TMEM40: variants seen among roughly 807,000 people sequenced by gnomAD.
TMEM40 encodes the protein transmembrane protein 40.
A neutral mutation model predicts 40.8 loss-of-function variants in TMEM40; 34 were observed. The observed-to-expected ratio is 0.83, with a 90% CI of 0.63 to 1.11. The LOEUF is 1.11. Ranked by LOEUF, TMEM40 falls within the 50% of genes least tolerant of loss-of-function variation. The pLI, the probability that TMEM40 is intolerant of heterozygous loss-of-function variation, is 0.00. For missense variants in TMEM40, 296 were observed against 280.2 expected, an observed-to-expected ratio of 1.06 and a Z score of -0.40; for synonymous variants, 106 against 107.0, an observed-to-expected ratio of 0.99 and a Z score of 0.06.
At chr3:12,757,188 C>T (rs1450308671) in intron 1 of TMEM40, among the ~76,000 whole-genome samples, 2 of 152,130 alleles carry the variant, frequency 1.3e-5, no homozygotes, top group Non-Finnish European at 2.9e-5. Context: ...TGCTTCACAT[C>T]ACTGGGTGCG....
chr3:12,769,217 GCCCCGGTTCCCGCCC>G, intron 1 of TMEM40: 1 of 387,488 alleles, frequency 2.6e-6, no homozygotes, highest in Non-Finnish European at 5.4e-6. Flanking sequence ...GCTGCGTGCA[GCCCCGGTTCCCGCCC>G]GTGCCTTTCT....
chr3:12,751,378 T>A (rs377324804), intron 1 of TMEM40, among the ~76,000 whole-genome samples: 5 of 151,312 alleles, frequency 3.3e-5, no homozygotes, highest in African/African-American at 1.2e-4. Context: ...GCCTCCCGGA[T>A]TCAAGTGATT....
At chr3:12,738,730 G>T in intron 5 of TMEM40, 142 bp from the exon 6 acceptor site, 1 of 809,654 alleles carries the variant, frequency 1.2e-6, no homozygotes, top group Non-Finnish European at 2.0e-6. Context: ...CGGCTGGAGG[G>T]TTCCTGTTCC....
At chr3:12,735,710 A>G (rs2061332477) in intron 10 of TMEM40, 93 bp from the exon 11 acceptor site, 11 of 1,045,134 alleles carry the variant, frequency 1.1e-5, no homozygotes, top group Non-Finnish European at 1.4e-5. Flanking sequence ...CATGCAAACA[A>G]AGCTCTGATG....
intron 3 of TMEM40, among the ~76,000 whole-genome samples, chr3:12,746,436 A>G (rs895436194): frequency 1.3e-5 from 2 of 152,274 alleles, no homozygotes; most frequent in South Asian, 4.2e-4. Flanking sequence ...TATTTTCTAC[A>G]GTGTACCTGT....
upstream of TMEM40, among the ~76,000 whole-genome samples, chr3:12,759,785 C>A (rs1304033777): frequency 4.6e-5 from 7 of 152,102 alleles, no homozygotes; most frequent in Non-Finnish European, 8.8e-5. Flanking sequence ...TGGAGAGCAC[C>A]CACTCGCCTT....
intron 1 of TMEM40, among the ~76,000 whole-genome samples, chr3:12,768,424 G>T (rs954462294): frequency 6.6e-6 from 1 of 152,152 alleles, no homozygotes; most frequent in African/African-American, 2.4e-5. Context: ...ACAGAGAGCC[G>T]ATTGGTCCGT....
upstream of TMEM40, among the ~76,000 whole-genome samples, chr3:12,763,421 C>T (rs1378829239): frequency 1.3e-5 from 2 of 152,162 alleles, no homozygotes; most frequent in Non-Finnish European, 2.9e-5. Context: ...AAGTGTAAGG[C>T]AGGCCCCAGC....
intron 3 of TMEM40, 30 bp downstream of exon 3, chr3:12,748,624 TA>T: frequency 6.3e-7 from 1 of 1,591,042 alleles, no homozygotes; most frequent in Non-Finnish European, 8.5e-7. Flanking sequence ...TTTTCTTGAA[TA>T]ATATACATAT....
chr3:12,762,955 G>C (rs915083073), upstream of TMEM40, among the ~76,000 whole-genome samples: 3 of 152,094 alleles, frequency 2.0e-5, no homozygotes, highest in East Asian at 3.9e-4. Context: ...GTCAGGAGAT[G>C]GAGACCATCC....
upstream of TMEM40, among the ~76,000 whole-genome samples, chr3:12,763,021 G>A (rs1464569695): frequency 1.3e-5 from 2 of 151,752 alleles, no homozygotes; most frequent in Non-Finnish European, 2.9e-5. Context: ...TTAGCCGGGC[G>A]TGGTGGCGGG....
At chr3:12,757,087 T>C (rs2061534915) in intron 1 of TMEM40, among the ~76,000 whole-genome samples, 1 of 152,056 alleles carries the variant, frequency 6.6e-6, no homozygotes, top group African/African-American at 2.4e-5. Context: ...CAACATACAG[T>C]GACAAATAAT....
chr3:12,739,068 G>C (rs1039576031), intron 5 of TMEM40: 3 of 160,048 alleles, frequency 1.9e-5, no homozygotes, highest in Non-Finnish European at 2.8e-5. Context: ...CAGGATAATC[G>C]CTCAAACCCA....
chr3:12,764,497 G>A (rs935597432), intron 1 of TMEM40, among the ~76,000 whole-genome samples: 3 of 152,326 alleles, frequency 2.0e-5, no homozygotes, highest in East Asian at 3.9e-4. Context: ...GCTCCTGCAC[G>A]TGCCACTTAA....
Position 12,736,569 on chromosome 3 carries a change from G to A in TMEM40, c.619+9C>T, listed in dbSNP as rs377568647. ...CTGTGTGTGTGTCCATGCTGGGGGA[G>A]GGGCTTACCTAGTCCGAAGTAGATG... is the stretch of plus-strand genomic sequence containing the variant. On this transcript the variant is annotated intron_variant, in intron 10 of 11. Transcript: ENST00000314124. 1.9e-5 allele frequency: 30 copies of A among 1,552,776 alleles called. No homozygotes were observed. In the African/African-American group the frequency reaches 3.6e-4, roughly 18 times the overall value.
chr3:12,759,521 C>G (rs886783059), upstream of TMEM40: 6 of 152,502 alleles, frequency 3.9e-5, no homozygotes, highest in East Asian at 9.6e-4. Flanking sequence ...CTGTGCCACC[C>G]TTGGCTGTAC....
chr3:12,751,279 G>GTT (rs35303171), intron 1 of TMEM40, among the ~76,000 whole-genome samples: 2 of 134,254 alleles, frequency 1.5e-5, no homozygotes, highest in Admixed American at 1.5e-4. Flanking sequence ...TCCATTACCC[G>GTT]TTTTTTTTTT....
intron 1 of TMEM40, among the ~76,000 whole-genome samples, chr3:12,766,487 C>CG (rs1231584519): frequency 2.0e-5 from 3 of 150,546 alleles, no homozygotes; most frequent in Non-Finnish European, 4.4e-5. Flanking sequence ...CCCAGCTACT[C>CG]GGGGGGCTGA....
chr3:12,765,860 G>C (rs757124087), intron 1 of TMEM40, among the ~76,000 whole-genome samples: 5 of 151,240 alleles, frequency 3.3e-5, no homozygotes, highest in Non-Finnish European at 5.9e-5. Context: ...ACTGCGCCCA[G>C]CCTCTTTCTT....
Sources: gnomAD v4.1 joint callset for allele counts (sites outside exome capture counted in the v4.1 genomes callset) on GRCh38, gnomAD v4.1.1 for gene constraint, MANE v1.5 for transcripts, NCBI Gene and HGNC (gene_info 2026-07-23, HGNC 2026-07-21) for gene names.